CELF4: variants seen among roughly 807,000 people sequenced by gnomAD.
The protein encoded by CELF4 is CUGBP Elav-like family member 4, also known as CUG-BP- and ETR-3-like factor 4.
A neutral mutation model predicts 59.9 loss-of-function variants in CELF4; 18 were observed. That is an observed-to-expected ratio of 0.30 (90% CI 0.21 to 0.45). The LOEUF is 0.45. Among genes scored for constraint, CELF4 ranks in the 20% least tolerant of loss-of-function variants. The pLI is 1.00. For synonymous variants in CELF4, 261 were observed against 267.1 expected (o/e 0.98, Z 0.22); for missense variants, 456 against 689.0 (o/e 0.66, Z 3.79).
chr18:37,447,994 G>A (rs779247150), intron 2 of CELF4, among the ~76,000 whole-genome samples: 5 of 152,196 alleles, frequency 3.3e-5, no homozygotes, highest in Admixed American at 2.6e-4. Flanking sequence ...CAAATGAGAC[G>A]TATCTCTCCT....
At chr18:37,529,903 C>A (rs2099967725) in intron 1 of CELF4, among the ~76,000 whole-genome samples, 1 of 152,180 alleles carries the variant, frequency 6.6e-6, no homozygotes, top group African/African-American at 2.4e-5. Flanking sequence ...AGGGCTGAGA[C>A]CTGCAAGTTT....
intron 1 of CELF4, among the ~76,000 whole-genome samples, chr18:37,501,040 G>A (rs570942487): frequency 7.9e-5 from 12 of 152,318 alleles, no homozygotes; most frequent in Admixed American, 6.5e-4. Flanking sequence ...TGCCAGAGAC[G>A]TGGGCCATGG....
intron 2 of CELF4, among the ~76,000 whole-genome samples, chr18:37,480,754 C>T (rs990484068): frequency 2.0e-5 from 3 of 150,542 alleles, no homozygotes; most frequent in African/African-American, 7.4e-5. Context: ...AAAGGAGAGA[C>T]AAGTCTGAAG....
At chr18:37,249,993 G>A (rs2154262783) in intron 12 of CELF4, among the ~76,000 whole-genome samples, 1 of 152,232 alleles carries the variant, frequency 6.6e-6, no homozygotes, top group East Asian at 1.9e-4. Flanking sequence ...GATGCTTGGT[G>A]CACTCTCCAG....
intron 2 of CELF4, among the ~76,000 whole-genome samples, chr18:37,373,967 G>A (rs2098935101): frequency 6.6e-6 from 1 of 152,240 alleles, no homozygotes; most frequent in Non-Finnish European, 1.5e-5. Context: ...ATATTGGGGA[G>A]TGAGGAGTCA....
intron 2 of CELF4, among the ~76,000 whole-genome samples, chr18:37,353,187 C>G (rs1458257184): frequency 2.9e-5 from 4 of 139,846 alleles, no homozygotes; most frequent in African/African-American, 5.2e-5. Flanking sequence ...CGCCACTGCA[C>G]TCCAGCCTGG....
chr18:37,253,737 C>G lies in CELF4; in HGVS notation c.*44+30G>C. The G allele has an allele frequency of 1.3e-6, 2 of 1,515,404 alleles. No individual in the cohort carries two copies. The highest frequency in any genetic ancestry group is 1.8e-6 in the Non-Finnish European group (2 of 1,123,962). 93.9% of individuals were successfully genotyped at this position (1,515,404 alleles called of 1,614,324 possible). ...GTCCGTCTGGTTCCCTCCCAACCCC[C>G]GTCCCCGCGCCCCGGCCGCCCCCGG... is the stretch of plus-strand genomic sequence containing the variant. On this transcript the variant is annotated intron_variant, in intron 12 of 12. Transcript: ENST00000420428. The surrounding 1 kb of genome is among the most constrained non-coding windows in gnomAD (Gnocchi z 4.5).
intron 2 of CELF4, among the ~76,000 whole-genome samples, chr18:37,394,027 C>G (rs992174096): frequency 2.0e-4 from 30 of 152,058 alleles, no homozygotes; most frequent in African/African-American, 7.2e-4. Context: ...GCCAGCTTGT[C>G]GGGGGCCGCA....
At chr18:37,302,597 G>T (rs1055091517) in intron 3 of CELF4, among the ~76,000 whole-genome samples, 1 of 152,232 alleles carries the variant, frequency 6.6e-6, no homozygotes, top group African/African-American at 2.4e-5. Context: ...TTTCCTGGAG[G>T]TGGGGAGGTG....
chr18:37,259,049 CGGACACCGGTAGGTT>C, intron 11 of CELF4, 117 bp downstream of exon 11: 1 of 1,436,080 alleles, frequency 7.0e-7, no homozygotes, highest in Non-Finnish European at 9.5e-7. Context: ...TAAAAGCAGT[CGGACACCGGTAGGTT>C]GGTGCGAGCA....
intron 2 of CELF4, among the ~76,000 whole-genome samples, chr18:37,478,785 A>G (rs2099857829): frequency 6.6e-6 from 1 of 152,212 alleles, no homozygotes. Flanking sequence ...CTGGATTTAA[A>G]GTGCTTTGGG....
At chr18:37,538,063 TG>T (rs2099975018) in intron 1 of CELF4, among the ~76,000 whole-genome samples, 1 of 152,204 alleles carries the variant, frequency 6.6e-6, no homozygotes, top group Non-Finnish European at 1.5e-5. Flanking sequence ...TGCCCTCTGC[TG>T]GCCACGTCTG....
chr18:37,297,113 G>C (rs934728894), intron 3 of CELF4, among the ~76,000 whole-genome samples: 20 of 152,182 alleles, frequency 1.3e-4, no homozygotes, highest in African/African-American at 4.3e-4. Context: ...CAGTGAACTG[G>C]GAGGCCAGTG....
chr18:37,382,117 T>A (rs887608271), intron 2 of CELF4, among the ~76,000 whole-genome samples: 1 of 152,232 alleles, frequency 6.6e-6, no homozygotes, highest in Non-Finnish European at 1.5e-5. Flanking sequence ...TACTTAGAGC[T>A]TATCATGTGC....
At chr18:37,305,336 G>A (rs529466776) in intron 3 of CELF4, 3 of 152,250 alleles carry the variant, frequency 2.0e-5, no homozygotes, top group South Asian at 2.1e-4. Flanking sequence ...AAATGTCTCC[G>A]CTCCACATTC....
chr18:37,479,230 C>G (rs752505480), intron 2 of CELF4, among the ~76,000 whole-genome samples: 4 of 152,208 alleles, frequency 2.6e-5, no homozygotes, highest in Non-Finnish European at 4.4e-5. Context: ...CTTCACAAGT[C>G]ATCCCTCTTG....
At chr18:37,343,328 TC>T (rs2098124179) in intron 2 of CELF4, among the ~76,000 whole-genome samples, 1 of 137,796 alleles carries the variant, frequency 7.3e-6, no homozygotes, top group Admixed American at 7.4e-5. Context: ...GGGTGTTGAT[TC>T]TGTGTGTGTG....
At chr18:37,491,320 C>T (rs2099904382) in intron 1 of CELF4, among the ~76,000 whole-genome samples, 2 of 152,194 alleles carry the variant, frequency 1.3e-5, no homozygotes, top group African/African-American at 4.8e-5. Flanking sequence ...TGCCTGTCCT[C>T]TAATACTTGA....
At chr18:37,503,574 T>G (rs1373432513) in intron 1 of CELF4, among the ~76,000 whole-genome samples, 3 of 152,202 alleles carry the variant, frequency 2.0e-5, no homozygotes, top group Non-Finnish European at 4.4e-5. Context: ...CTCCCCAGAA[T>G]GCTTAGCATC....
Sources: gnomAD v4.1 joint callset for allele counts (sites outside exome capture counted in the v4.1 genomes callset) on GRCh38, gnomAD v4.1.1 for gene constraint, Gnocchi (gnomAD v3.1) non-coding constraint, MANE v1.5 for transcripts, NCBI Gene and HGNC (gene_info 2026-07-23, HGNC 2026-07-21) for gene names.